The following PHF8 variants were observed in gnomAD, a reference collection of about 807,000 sequenced individuals.
PHF8 encodes histone lysine demethylase PHF8.
A neutral mutation model predicts 74.4 loss-of-function variants in PHF8; 9 were observed. The observed-to-expected ratio is 0.12, with a 90% CI of 0.07 to 0.21. PHF8 has a LOEUF of 0.21. PHF8 is among the 10% of genes least tolerant of loss of function. PHF8 has a pLI of 1.00. For missense variants in PHF8, 478 were observed against 816.6 expected (o/e 0.59, Z 5.05); for synonymous variants, 311 against 316.6 (o/e 0.98, Z 0.19).
At chrX:53,943,932 G>C (rs1199561199) in intron 20 of PHF8, among the ~76,000 whole-genome samples, 2 of 112,128 alleles carry the variant, frequency 1.8e-5, no homozygotes, top group African/African-American at 6.5e-5. Flanking sequence ...TGTCAACTGT[G>C]TAACCTGTGG....
At chrX:53,964,288 C>T (rs1262615822) in intron 18 of PHF8, among the ~76,000 whole-genome samples, 2 of 110,697 alleles carry the variant, frequency 1.8e-5, no homozygotes, top group African/African-American at 3.3e-5. Flanking sequence ...ATGTAGATGA[C>T]GGGTTGATGG....
chrX:53,996,430 AT>A (rs782755270), intron 11 of PHF8, among the ~76,000 whole-genome samples: 1,696 of 96,298 alleles, frequency 0.018, 23 homozygotes, highest in African/African-American at 0.046. Context: ...ATTTTTTGTA[AT>A]TTTTTTTTTT....
In PHF8 at chrX:53,964,743, T is replaced by C. The variant is rs782610348; in HGVS notation, c.2444-1804A>G. Among the ~76,000 whole-genome samples, 4 of 109,617 alleles carry C rather than the reference T, an allele frequency of 3.6e-5. No individual in the cohort carries two copies. The South Asian group carries it at 1.6e-3, about 43-fold the overall frequency. ...GTAGCTGGGCGTGGTGGCGCGCACC[T>C]GTAATCCCAGCTACTCAGGAGGCTG... is the stretch of plus-strand genomic sequence containing the variant. On this transcript the variant is annotated intron_variant, in intron 18 of 21. Coordinates refer to ENST00000338154, the MANE Select transcript of PHF8 (RefSeq NM_015107.3).
At chrX:53,975,065 T>C (rs1301106081) in intron 18 of PHF8, among the ~76,000 whole-genome samples, 1 of 111,315 alleles carries the variant, frequency 9.0e-6, no homozygotes, top group Non-Finnish European at 1.9e-5. Context: ...AACTTAAAAG[T>C]TGGAAAAAAA....
intron 8 of PHF8, among the ~76,000 whole-genome samples, chrX:54,008,547 G>C (rs2065932149): frequency 9.3e-6 from 1 of 107,906 alleles, no homozygotes. Context: ...AAATTACCCA[G>C]GCCAGTGGTG....
chrX:53,960,082 G>T (rs782650216), intron 19 of PHF8, among the ~76,000 whole-genome samples: 44 of 108,348 alleles, frequency 4.1e-4, no homozygotes, highest in African/African-American at 1.1e-3. Context: ...ATACTTTTTT[G>T]TGTGTGTGTG....
chrX:54,027,455 A>G (rs369161692), intron 2 of PHF8, among the ~76,000 whole-genome samples: 2 of 111,409 alleles, frequency 1.8e-5, no homozygotes, highest in African/African-American at 6.5e-5. Flanking sequence ...TAGTATCCAG[A>G]GGTGTTCTAT....
chrX:53,987,236 T>G, intron 15 of PHF8, 73 bp from the exon 16 acceptor site: 1 of 653,998 alleles, frequency 1.5e-6, no homozygotes, highest in Non-Finnish European at 2.5e-6. Flanking sequence ...AAGAAAAAAA[T>G]AAGACTAATT....
At position 53,937,933 on chromosome X, in the gene PHF8, C is replaced by T. The variant is rs1412777138; in HGVS notation, c.*1225G>A. 7 of 1,060,232 alleles carry T rather than the reference C, an allele frequency of 6.6e-6. No homozygotes were observed. The highest frequency in any genetic ancestry group is 5.7e-5 in the African/African-American group (3 of 53,096). The allele number at this position is 1,060,232 out of a possible 1,213,427, so 87.4% of individuals were successfully genotyped here. A position where few individuals can be genotyped will look rare whatever the true frequency, so the allele number is the denominator to read the frequency against. ...CTGTCTGGACAATGGAGACAATCCA[C>T]GAAGGAAGGACAGGGGAAGGGGAGG... is the stretch of plus-strand genomic sequence containing the variant. On this transcript the variant is annotated 3_prime_UTR_variant, in exon 22 of 22. Transcript: ENST00000338154.
chrX:54,033,289 G>A (rs782412530), intron 2 of PHF8, among the ~76,000 whole-genome samples: 32 of 111,826 alleles, frequency 2.9e-4, no homozygotes, highest in South Asian at 1.1e-3. Flanking sequence ...ATCACAACTC[G>A]AATAAGAAAA....
At chrX:53,952,769 A>G (rs1227452127) in intron 19 of PHF8, among the ~76,000 whole-genome samples, 1 of 107,249 alleles carries the variant, frequency 9.3e-6, no homozygotes, top group Non-Finnish European at 1.9e-5. Context: ...TGTAGTCCCA[A>G]CTACTCGGGA....
At position 54,016,632 on chromosome X, in the gene PHF8, C is replaced by T. The variant is rs782395569; in HGVS notation, c.559G>A (p.Val187Ile). 4 of 1,198,945 alleles carry T rather than the reference C, an allele frequency of 3.3e-6. No homozygotes were observed. The highest frequency in any genetic ancestry group is 4.4e-5 in the Admixed American group (2 of 45,543). ...KYYYSGKREK[V>I]LNVISLEFSD... The stretch of plus-strand genomic sequence containing the variant: ...AATTCCAAACTAATGACATTGAGGA[C>T]TTTCTCCCTCTTCCCGCTGTAATAG... The change falls in exon 6 of 22, where the codon GTC (valine) becomes ATC (isoleucine). Residue 187 changes from valine to isoleucine, a missense_variant. Around this residue, in one of 9 missense-constraint regions of PHF8, gnomAD observed 70 missense variants for 234.1 expected, o/e 0.30. Coordinates refer to ENST00000338154, the MANE Select transcript of PHF8 (RefSeq NM_015107.3).
intron 4 of PHF8, 124 bp from the exon 5 acceptor site, chrX:54,017,945 T>C: frequency 1.7e-6 from 1 of 592,291 alleles, no homozygotes; most frequent in Non-Finnish European, 2.8e-6. Context: ...TGGCAACTAA[T>C]GCCAAAAACC....
chrX:53,949,159 C>A (rs936698273), intron 19 of PHF8, among the ~76,000 whole-genome samples: 1 of 110,633 alleles, frequency 9.0e-6, no homozygotes, highest in African/African-American at 3.3e-5. Context: ...ATGGTGAAAC[C>A]CTGTCTCTAC....
chrX:54,036,297 T>A (rs1296858886), intron 2 of PHF8, among the ~76,000 whole-genome samples: 1 of 109,689 alleles, frequency 9.1e-6, no homozygotes, highest in Non-Finnish European at 1.9e-5. Flanking sequence ...CAAATCTCAA[T>A]AAATGTAAAG....
At chrX:53,966,036 C>T (rs1424401259) in intron 18 of PHF8, among the ~76,000 whole-genome samples, 8 of 111,404 alleles carry the variant, frequency 7.2e-5, no homozygotes, top group African/African-American at 2.6e-4. Flanking sequence ...AAAAGGAAAC[C>T]AGAAGAATGA....
At chrX:53,999,502 T>C (rs921869776) in intron 11 of PHF8, 4 of 169,843 alleles carry the variant, frequency 2.4e-5, no homozygotes, top group Admixed American at 2.3e-4. Context: ...AACCTCCACA[T>C]TGTTCAAGGG....
intron 19 of PHF8, among the ~76,000 whole-genome samples, chrX:53,950,098 A>G (rs1181071156): frequency 9.0e-6 from 1 of 111,582 alleles, no homozygotes; most frequent in East Asian, 2.8e-4. Flanking sequence ...CAAGAAAAAC[A>G]GCTGAATCTC....
chrX:53,998,735 A>G (rs1372817845), intron 11 of PHF8, among the ~76,000 whole-genome samples: 1 of 111,786 alleles, frequency 8.9e-6, no homozygotes, highest in Non-Finnish European at 1.9e-5. Flanking sequence ...AAATCAGTAC[A>G]TACAGAGCTT....
Sources: gnomAD v4.1 joint callset for allele counts (sites outside exome capture counted in the v4.1 genomes callset) on GRCh38, gnomAD v4.1.1 for gene constraint, gnomAD v4.1.1 regional missense constraint, MANE v1.5 for transcripts, NCBI Gene and HGNC (gene_info 2026-07-23, HGNC 2026-07-21) for gene names.